CACNA1I: variants seen among roughly 807,000 people sequenced by gnomAD.
CACNA1I encodes the protein calcium voltage-gated channel subunit alpha1 I.
Under a neutral mutation model 201.6 loss-of-function variants are expected in CACNA1I, and 74 were observed. The observed-to-expected ratio is 0.37, with a 90% CI of 0.30 to 0.45. The LOEUF is 0.45. CACNA1I is among the 20% of genes least tolerant of loss of function. The probability of loss-of-function intolerance (pLI) is 1.00; values close to 1 mark genes in which losing one functional copy is unlikely to be tolerated. For missense variants in CACNA1I, 2,346 were observed against 3,138.1 expected (o/e 0.75, Z 6.03); for synonymous variants, 1,431 against 1,345.2 (o/e 1.06, Z -1.40).
Position 39,678,432 on chromosome 22 carries a change from T to G in CACNA1I, c.5055+324T>G, listed in dbSNP as rs370199319. ...GCCAGGGCCAGGCCCCCTAGTGATT[T>G]CCACGCTGACCAGGTCACCCGGCAG... is the stretch of plus-strand genomic sequence containing the variant. On this transcript the variant is annotated intron_variant, in intron 31 of 36. Coordinates refer to ENST00000402142, the MANE Select transcript of CACNA1I (RefSeq NM_021096.4). Among the ~76,000 whole-genome samples, 29 of 152,322 alleles carry G rather than the reference T, an allele frequency of 1.9e-4. 1 individual carries two copies. The highest frequency in any genetic ancestry group is 4.8e-4 in the African/African-American group (20 of 41,584).
intron 1 of CACNA1I, among the ~76,000 whole-genome samples, chr22:39,579,581 GGAAGGGCAAAGGGGA>G (rs1932482382): frequency 1.3e-5 from 2 of 152,138 alleles, no homozygotes; most frequent in African/African-American, 4.8e-5. Context: ...TACTCATGGT[GGAAGGGCAAAGGGGA>G]GAAGGTGTGT....
At chr22:39,577,392 C>G (rs1260771671) in intron 1 of CACNA1I, among the ~76,000 whole-genome samples, 1 of 152,236 alleles carries the variant, frequency 6.6e-6, no homozygotes, top group East Asian at 1.9e-4. Flanking sequence ...GTGGAGACCC[C>G]TGCCTCTCGC....
intron 5 of CACNA1I, 119 bp from the exon 6 acceptor site, chr22:39,640,748 C>T (rs896536168): frequency 1.2e-6 from 1 of 813,452 alleles, no homozygotes; most frequent in Non-Finnish European, 2.0e-6. Context: ...ACAGCATGTG[C>T]CAAGGCCTGG....
At chr22:39,613,745 C>T (rs1410955727) in intron 3 of CACNA1I, among the ~76,000 whole-genome samples, 1 of 152,250 alleles carries the variant, frequency 6.6e-6, no homozygotes, top group Non-Finnish European at 1.5e-5. Context: ...CGCTGGCCTG[C>T]TCCGGCCTTG....
At position 39,661,206 on chromosome 22, in the gene CACNA1I, G is replaced by GC. The variant is rs751819797; in HGVS notation, c.2803dup (p.Arg935ProfsTer29). ...AGGTCCTGCTGGGGCTGCGGGACCTGCCCCCCGACTCTCACTGCAGCCGGA... is the reference window on the plus strand; with the variant it reads ...AGGTCCTGCTGGGGCTGCGGGACCTGCCCCCCCGACTCTCACTGCAGCCGGA... On this transcript the variant is annotated frameshift_variant, in exon 16 of 37. Transcript: ENST00000402142. LOFTEE classifies it high-confidence loss of function. 1 of 1,612,058 alleles carries GC rather than the reference G, an allele frequency of 6.2e-7. No homozygotes were observed.
At chr22:39,640,247 G>C (rs1425592635) in intron 5 of CACNA1I, among the ~76,000 whole-genome samples, 2 of 152,128 alleles carry the variant, frequency 1.3e-5, no homozygotes, top group African/African-American at 4.8e-5. Context: ...AAATTAGCTA[G>C]GTATGGTGGT....
rs1000182093 is a variant in CACNA1I at position 39,684,615 on chromosome 22, C to T, written c.6027+117C>T. ...AGGACCCAACCAAAGGCCGAGGGCA[C>T]CACCGTGCAAGGGGGTTTGGGAACG... On this transcript the variant is annotated intron_variant, in intron 36 of 36. Coordinates refer to ENST00000402142, the MANE Select transcript of CACNA1I (RefSeq NM_021096.4). The surrounding 1 kb of genome is among the most constrained non-coding windows in gnomAD (Gnocchi z 4.6). 4.4e-6 allele frequency: 5 copies of T among 1,128,428 alleles called. No individual in the cohort carries two copies. Among genetic ancestry groups the T allele is most frequent in the African/African-American group, 3.1e-5 (2 of 64,768 alleles). 69.9% of individuals were successfully genotyped at this position (1,128,428 alleles called of 1,614,324 possible). A position where few individuals can be genotyped will look rare whatever the true frequency, so the allele number is the denominator to read the frequency against.
At chr22:39,590,075 G>A (rs530281682) in intron 1 of CACNA1I, among the ~76,000 whole-genome samples, 142 of 152,186 alleles carry the variant, frequency 9.3e-4, no homozygotes, top group African/African-American at 3.2e-3. Context: ...CCTCTGGCTC[G>A]GCTCCTGGAG....
At chr22:39,679,969 C>A in intron 33 of CACNA1I, 101 bp downstream of exon 33, 1 of 1,252,502 alleles carries the variant, frequency 8.0e-7, no homozygotes, top group Non-Finnish European at 1.1e-6. Context: ...GCTGTAGAGA[C>A]CAGGCTGGGT....
rs757206796 is a variant in CACNA1I at position 39,656,740 on chromosome 22, C to A, written c.1993-1412C>A. ...GAGTCCAGCTTGGTTCAGTGCCCTG[C>A]CTTTGCCCTGCCACATCCTTGCTAG... On this transcript the variant is annotated intron_variant, in intron 10 of 36. Coordinates refer to ENST00000402142, the MANE Select transcript of CACNA1I (RefSeq NM_021096.4). 3 of 518,936 alleles carry A rather than the reference C, an allele frequency of 5.8e-6. No individual in the cohort carries two copies. In the Admixed American group the frequency reaches 5.8e-5, roughly 10 times the overall value. 32.1% of individuals were successfully genotyped at this position (518,936 alleles called of 1,614,324 possible).
intron 1 of CACNA1I, among the ~76,000 whole-genome samples, chr22:39,597,397 C>T (rs1011080684): frequency 6.6e-6 from 1 of 152,118 alleles, no homozygotes; most frequent in Admixed American, 6.5e-5. Flanking sequence ...GGGCTCTCAG[C>T]AGTGGTGAGG....
At position 39,596,769 on chromosome 22, in the gene CACNA1I, G is replaced by A. The variant is rs184459528; in HGVS notation, c.237-1382G>A. On this transcript the variant is annotated intron_variant, in intron 1 of 36. Transcript: ENST00000402142. Reference sequence around the variant, plus strand: ...CGATGGGGAGGCTCCTGGTCATCCGGTGGAGGACCTCTAGGTTCAGAGACA... The same window carrying A: ...CGATGGGGAGGCTCCTGGTCATCCGATGGAGGACCTCTAGGTTCAGAGACA... 8.6e-4 allele frequency among the ~76,000 whole-genome samples: 131 copies of A among 152,148 alleles called. 2 individuals carry two copies. In the Middle Eastern group the frequency reaches 0.014, roughly 16 times the overall value.
chr22:39,664,620 C>CG, intron 20 of CACNA1I, 119 bp from the exon 21 acceptor site: 1 of 497,166 alleles, frequency 2.0e-6, no homozygotes, highest in Non-Finnish European at 3.7e-6. Flanking sequence ...TGCAGGACCC[C>CG]GCCCCCTCCC....
chr22:39,656,187 T>A (rs968500323), intron 10 of CACNA1I, among the ~76,000 whole-genome samples: 3 of 152,186 alleles, frequency 2.0e-5, no homozygotes, highest in Admixed American at 2.0e-4. Context: ...TTATTAGCTT[T>A]CCCAGGCATC....
At chr22:39,628,162 G>A (rs1933951445) in intron 4 of CACNA1I, among the ~76,000 whole-genome samples, 3 of 152,156 alleles carry the variant, frequency 2.0e-5, no homozygotes, top group Admixed American at 2.0e-4. Context: ...CAAAGGACTG[G>A]GCCACTGTGT....
chr22:39,598,326 G>A, intron 2 of CACNA1I, 64 bp downstream of exon 2: 8 of 556,748 alleles, frequency 1.4e-5, no homozygotes, highest in South Asian at 1.9e-5. Context: ...CCTATGCCCC[G>A]CCCACTCCAC....
chr22:39,640,226 T>TA (rs1043555183), intron 5 of CACNA1I, among the ~76,000 whole-genome samples: 2 of 152,010 alleles, frequency 1.3e-5, no homozygotes, highest in South Asian at 4.1e-4. Flanking sequence ...CCATCTCTAC[T>TA]AAAAAAACAA....
intron 29 of CACNA1I, among the ~76,000 whole-genome samples, chr22:39,675,261 G>T (rs116474263): frequency 0.016 from 2,478 of 152,358 alleles, 67 homozygotes; most frequent in African/African-American, 0.054. Flanking sequence ...GTGTCAGATG[G>T]TTAAAGCTTA....
intron 5 of CACNA1I, among the ~76,000 whole-genome samples, chr22:39,635,918 G>T (rs1569073585): frequency 6.6e-6 from 1 of 152,110 alleles, no homozygotes; most frequent in South Asian, 2.1e-4. Context: ...ACACAGCCCT[G>T]CTGGGTTTTC....
Sources: allele counts gnomAD v4.1 joint callset (sites outside exome capture counted in the v4.1 genomes callset), GRCh38; gene constraint gnomAD v4.1.1; non-coding constraint Gnocchi (gnomAD v3.1); transcripts MANE v1.5; gene names NCBI Gene and HGNC (gene_info 2026-07-23, HGNC 2026-07-21).